TENM3: variants seen among roughly 807,000 people sequenced by gnomAD.
The protein encoded by TENM3 is teneurin transmembrane protein 3.
TENM3 carries 63 observed loss-of-function variants against 255.1 expected under a neutral mutation model. That is an observed-to-expected ratio of 0.25 (90% confidence interval 0.20 to 0.30). The LOEUF is 0.30. TENM3 is among the 10% of genes least tolerant of loss of function. The probability of loss-of-function intolerance (pLI) is 1.00; values close to 1 mark genes in which losing one functional copy is unlikely to be tolerated. For synonymous variants in TENM3, 1,306 were observed against 1,322.3 expected, an observed-to-expected ratio of 0.99 and a Z score of 0.27; for missense variants, 2,929 against 3,461.1, an observed-to-expected ratio of 0.85 and a Z score of 3.86.
At chr4:181,809,459 T>C in the TENM3 span, among the ~76,000 whole-genome samples, 1 of 152,222 alleles carries the variant, frequency 6.6e-6, no homozygotes, top group Admixed American at 6.5e-5. Context: ...AACAGGTGTC[T>C]CTGTTTGTGG....
chr4:181,749,221 C>CT, the TENM3 span, among the ~76,000 whole-genome samples: 7 of 151,150 alleles, frequency 4.6e-5, no homozygotes, highest in South Asian at 2.1e-4. Context: ...TCCTTTTTGG[C>CT]TTTTTTTTTC....
At chr4:181,612,382 CA>C in the TENM3 span, among the ~76,000 whole-genome samples, 1 of 152,082 alleles carries the variant, frequency 6.6e-6, no homozygotes, top group African/African-American at 2.4e-5. Flanking sequence ...TGTTTCAGCC[CA>C]GGGGGGAAAT....
the TENM3 span, among the ~76,000 whole-genome samples, chr4:182,069,468 C>T: frequency 3.3e-5 from 5 of 152,090 alleles, no homozygotes; most frequent in African/African-American, 4.8e-5. Context: ...CTTCTAGCCC[C>T]CTTCTACCAT....
Position 182,325,351 on chromosome 4 carries a change from T to C in TENM3, c.232+1099T>C, listed in dbSNP as rs182423560. 2.4e-3 allele frequency among the ~76,000 whole-genome samples: 362 copies of C among 152,288 alleles called. 2 individuals carry two copies. The highest frequency in any genetic ancestry group is 8.3e-3 in the African/African-American group (343 of 41,552). Reference sequence around the variant, plus strand: ...TGTGCAAAGAGCCATTGTAACTAGATTGAAATAGTGTTCACTCACCCAAGC... The same window carrying C: ...TGTGCAAAGAGCCATTGTAACTAGACTGAAATAGTGTTCACTCACCCAAGC... On this transcript the variant is annotated intron_variant, in intron 2 of 27. Transcript: ENST00000511685.
chr4:181,953,276 C>CCAT, the TENM3 span, among the ~76,000 whole-genome samples: 30,834 of 141,408 alleles, frequency 0.22, 3,467 homozygotes, highest in Non-Finnish European at 0.29. Flanking sequence ...ACCACCACCA[C>CCAT]CATCATCATC....
chr4:181,936,776 G>A, the TENM3 span, among the ~76,000 whole-genome samples: 1 of 151,840 alleles, frequency 6.6e-6, no homozygotes, highest in African/African-American at 2.4e-5. Flanking sequence ...CTGAGGAAGT[G>A]AGCTTTAAAC....
chr4:182,405,559 T>C (rs1769509190), intron 3 of TENM3, among the ~76,000 whole-genome samples: 1 of 152,226 alleles, frequency 6.6e-6, no homozygotes, highest in South Asian at 2.1e-4. Flanking sequence ...GTGGCACTTA[T>C]CCATCCGTTT....
At chr4:182,298,984 C>CTAAAAAAAAAAAAAAA (rs1761672568) in intron 1 of TENM3, among the ~76,000 whole-genome samples, 1 of 25,554 alleles carries the variant, frequency 3.9e-5, no homozygotes, top group Admixed American at 7.6e-4. Flanking sequence ...GACTCCTTCT[C>CTAAAAAAAAAAAAAAA]AAAAAAAAAA....
chr4:181,956,056 A>ACTTT, the TENM3 span, among the ~76,000 whole-genome samples: 1 of 152,188 alleles, frequency 6.6e-6, no homozygotes, highest in African/African-American at 2.4e-5. Context: ...GTCCACAATC[A>ACTTT]AGGCAGATTT....
chr4:182,589,172 A>ACTC (rs1746346374), intron 3 of TENM3, among the ~76,000 whole-genome samples: 1 of 151,962 alleles, frequency 6.6e-6, no homozygotes, highest in African/African-American at 2.4e-5. Context: ...GCCTTCTAGA[A>ACTC]CTCCTACTGG....
chr4:182,228,358 A>ATGTGTGTGTGTGTGTG lies in TENM3; in HGVS notation c.-76+83624_-76+83639dup, dbSNP rs141968345. ...CCTTAAATATATATAATGTAATGTA[A>ATGTGTGTGTGTGTGTG]TGTGTGTGTGTGTGTGTGTGTGTGT... On this transcript the variant is annotated intron_variant, in intron 1 of 2. Coordinates refer to the TENM3 transcript ENST00000512480. Among the ~76,000 whole-genome samples the ATGTGTGTGTGTGTGTG allele has an allele frequency of 5.5e-5, 6 of 109,014 alleles. 1 individual carries two copies. Among genetic ancestry groups the ATGTGTGTGTGTGTGTG allele is most frequent in the African/African-American group, 2.2e-4 (6 of 27,614 alleles). 71.5% of individuals were successfully genotyped at this position (109,014 alleles called of 152,430 possible).
At chr4:182,392,357 T>C (rs926066408) in intron 3 of TENM3, among the ~76,000 whole-genome samples, 2 of 152,244 alleles carry the variant, frequency 1.3e-5, no homozygotes, top group Admixed American at 1.3e-4. Flanking sequence ...TCACCATCTT[T>C]CACTTTACCA....
chr4:181,662,349 A>G, the TENM3 span, among the ~76,000 whole-genome samples: 1 of 152,228 alleles, frequency 6.6e-6, no homozygotes, highest in African/African-American at 2.4e-5. Flanking sequence ...TTTGATTTTA[A>G]CAATTTGCCA....
chr4:181,997,392 GT>G, the TENM3 span, among the ~76,000 whole-genome samples: 1 of 152,114 alleles, frequency 6.6e-6, no homozygotes, highest in Non-Finnish European at 1.5e-5. Context: ...GTACATACAT[GT>G]ACTTATTCAA....
At chr4:181,783,927 C>T in the TENM3 span, among the ~76,000 whole-genome samples, 4 of 152,292 alleles carry the variant, frequency 2.6e-5, no homozygotes, top group East Asian at 7.7e-4. Context: ...TCTTGAACTC[C>T]TGGCTTCAAG....
intron 3 of TENM3, among the ~76,000 whole-genome samples, chr4:182,401,250 C>G (rs1769197717): frequency 6.6e-6 from 1 of 152,100 alleles, no homozygotes; most frequent in South Asian, 2.1e-4. Context: ...TCCCATGGAA[C>G]TAGATTGCTT....
chr4:182,196,827 C>T (rs1006440721), intron 1 of TENM3, among the ~76,000 whole-genome samples: 2 of 152,238 alleles, frequency 1.3e-5, no homozygotes, highest in African/African-American at 4.8e-5. Flanking sequence ...TTTCACATCT[C>T]CGTACCAAAA....
chr4:182,421,341 A>C (rs902613970), intron 3 of TENM3, among the ~76,000 whole-genome samples: 3 of 152,176 alleles, frequency 2.0e-5, no homozygotes, highest in African/African-American at 7.2e-5. Flanking sequence ...AACGTCACTC[A>C]AGTAAGCTAA....
At chr4:182,303,545 G>A (rs750453311) in intron 1 of TENM3, among the ~76,000 whole-genome samples, 5 of 152,104 alleles carry the variant, frequency 3.3e-5, no homozygotes, top group Admixed American at 6.5e-5. Context: ...GATAGTCAAC[G>A]CGCTGTCATT....
Sources: allele counts gnomAD v4.1 joint callset (sites outside exome capture counted in the v4.1 genomes callset), GRCh38; gene constraint gnomAD v4.1.1; transcripts MANE v1.5; gene names NCBI Gene and HGNC (gene_info 2026-07-23, HGNC 2026-07-21).